ARMC9: variants seen among roughly 807,000 people sequenced by gnomAD.
ARMC9 encodes lisH domain-containing protein ARMC9.
Under a neutral mutation model 107.0 loss-of-function variants are expected in ARMC9, and 94 were observed. That is an observed-to-expected ratio of 0.88 (90% CI 0.74 to 1.04). ARMC9 has a LOEUF of 1.04. Ranked by LOEUF, ARMC9 falls within the 50% of genes least tolerant of loss-of-function variation. ARMC9 has a pLI of 0.00. For synonymous variants in ARMC9, 380 were observed against 396.9 expected, an observed-to-expected ratio of 0.96 and a Z score of 0.51; for missense variants, 942 against 1,030.1, an observed-to-expected ratio of 0.91 and a Z score of 1.17.
intron 2 of ARMC9, among the ~76,000 whole-genome samples, chr2:231,207,860 A>G (rs2032255551): frequency 6.6e-6 from 1 of 152,170 alleles, no homozygotes; most frequent in Non-Finnish European, 1.5e-5. Context: ...AAGAGTGCAC[A>G]AGTGTTTCCT....
chr2:231,331,371 T>C (rs1203009468), intron 19 of ARMC9, among the ~76,000 whole-genome samples: 1 of 152,214 alleles, frequency 6.6e-6, no homozygotes, highest in Non-Finnish European at 1.5e-5. Flanking sequence ...TTGTTACTTA[T>C]TGGCTGTAAA....
chr2:231,292,884 C>T (rs571475689), intron 18 of ARMC9, among the ~76,000 whole-genome samples: 1 of 152,294 alleles, frequency 6.6e-6, no homozygotes, highest in African/African-American at 2.4e-5. Context: ...AGGGCGGTCA[C>T]CTGGGGAGAT....
At chr2:231,280,433 G>A (rs1261392664) in intron 16 of ARMC9, among the ~76,000 whole-genome samples, 1 of 152,108 alleles carries the variant, frequency 6.6e-6, no homozygotes, top group Non-Finnish European at 1.5e-5. Flanking sequence ...ACTCCAGCAT[G>A]GGTGACAGAG....
intron 7 of ARMC9, among the ~76,000 whole-genome samples, chr2:231,227,362 C>T (rs1467305927): frequency 6.6e-6 from 1 of 152,154 alleles, no homozygotes; most frequent in African/African-American, 2.4e-5. Flanking sequence ...GTTGGTGGCC[C>T]CAGTTGGGGC....
chr2:231,279,883 T>TA (rs1287541062), intron 16 of ARMC9, among the ~76,000 whole-genome samples: 1 of 152,164 alleles, frequency 6.6e-6, no homozygotes, highest in Non-Finnish European at 1.5e-5. Flanking sequence ...CCCTATCCAC[T>TA]GATTGGTGTG....
intron 12 of ARMC9, among the ~76,000 whole-genome samples, chr2:231,268,639 T>G (rs188670814): frequency 1.3e-5 from 2 of 152,322 alleles, no homozygotes; most frequent in East Asian, 3.9e-4. Flanking sequence ...GAAGTAAATT[T>G]TTTTGAGATC....
At chr2:231,363,839 G>A (rs190381903) in intron 23 of ARMC9, among the ~76,000 whole-genome samples, 14 of 126,160 alleles carry the variant, frequency 1.1e-4, no homozygotes, top group South Asian at 2.6e-4. Flanking sequence ...AGCCGAGATC[G>A]CACCACTGCA....
At chr2:231,211,046 C>T (rs563336231) in intron 3 of ARMC9, among the ~76,000 whole-genome samples, 95 of 152,230 alleles carry the variant, frequency 6.2e-4, no homozygotes, top group Non-Finnish European at 1.0e-3. Context: ...AGCATAATGT[C>T]GTCAAAGTTC....
chr2:231,245,101 G>A (rs540768420), intron 9 of ARMC9, among the ~76,000 whole-genome samples: 5 of 152,298 alleles, frequency 3.3e-5, no homozygotes, highest in East Asian at 1.9e-4. Context: ...TTATAAGGAC[G>A]GTATTCATTT....
chr2:231,284,745 G>A (rs2040460649), intron 17 of ARMC9, among the ~76,000 whole-genome samples: 1 of 152,222 alleles, frequency 6.6e-6, no homozygotes, highest in Non-Finnish European at 1.5e-5. Flanking sequence ...TGGAACCAAG[G>A]ATGTGACTAC....
chr2:231,228,457 C>T (rs1367975848), intron 7 of ARMC9, among the ~76,000 whole-genome samples: 3 of 152,166 alleles, frequency 2.0e-5, no homozygotes, highest in East Asian at 1.9e-4. Flanking sequence ...AGGCCCTTGA[C>T]GAGAACACCT....
At chr2:231,235,642 TTTTG>T (rs539762735) in intron 8 of ARMC9, among the ~76,000 whole-genome samples, 198 of 152,320 alleles carry the variant, frequency 1.3e-3, no homozygotes, top group African/African-American at 4.4e-3. Context: ...CTTTATTCTT[TTTTG>T]TTTGTTTGTT....
chr2:231,355,308 C>T (rs1328426715), intron 21 of ARMC9, among the ~76,000 whole-genome samples: 1 of 152,198 alleles, frequency 6.6e-6, no homozygotes, highest in Non-Finnish European at 1.5e-5. Flanking sequence ...CCATGGCACT[C>T]CAGCCTGGGC....
chr2:231,248,512 G>A lies in ARMC9; in HGVS notation c.880-8074G>A, dbSNP rs184193525. ...TTTTAACGTGCAAGTGCCCCTTCTC[G>A]TTAAAAAGCTGGCAGGGCCGGACGT... On this transcript the variant is annotated intron_variant, in intron 9 of 24. Transcript: ENST00000611582. Among the ~76,000 whole-genome samples, 460 of 152,060 alleles carry A rather than the reference G, an allele frequency of 3.0e-3. 2 individuals are homozygous for A. The highest frequency in any genetic ancestry group is 4.7e-3 in the Non-Finnish European group (319 of 67,968).
chr2:231,238,861 T>TGTA (rs1299252789), intron 8 of ARMC9, among the ~76,000 whole-genome samples: 1 of 152,180 alleles, frequency 6.6e-6, no homozygotes, highest in Non-Finnish European at 1.5e-5. Context: ...ACCAGAAGTT[T>TGTA]GTAGCAGATA....
At chr2:231,202,952 C>T (rs1319869383) in intron 1 of ARMC9, among the ~76,000 whole-genome samples, 6 of 152,144 alleles carry the variant, frequency 3.9e-5, no homozygotes, top group African/African-American at 1.4e-4. Context: ...AACAGACACA[C>T]AACTCTCCCT....
chr2:231,213,481 G>T (rs1465777654), intron 3 of ARMC9, among the ~76,000 whole-genome samples: 19 of 139,554 alleles, frequency 1.4e-4, no homozygotes, highest in East Asian at 2.0e-4. Flanking sequence ...CACTTTTTTG[G>T]TTTTTTTTTT....
chr2:231,355,203 G>T (rs1462886218), intron 21 of ARMC9, among the ~76,000 whole-genome samples: 1 of 152,104 alleles, frequency 6.6e-6, no homozygotes, highest in Non-Finnish European at 1.5e-5. Context: ...GTTGAGTGTG[G>T]AGGCGCCCAT....
chr2:231,371,034 C>T (rs2046000228), intron 24 of ARMC9: 1 of 455,076 alleles, frequency 2.2e-6, no homozygotes, highest in African/African-American at 2.0e-5. Context: ...CCTCCCACTT[C>T]CCACTGGGAA....
Sources: allele counts gnomAD v4.1 joint callset (sites outside exome capture counted in the v4.1 genomes callset), GRCh38; gene constraint gnomAD v4.1.1; transcripts MANE v1.5; gene names NCBI Gene and HGNC (gene_info 2026-07-23, HGNC 2026-07-21).